MAST2: variants seen among roughly 807,000 people sequenced by gnomAD.
MAST2 encodes the protein microtubule-associated serine/threonine-protein kinase 2.
Under a neutral mutation model 147.4 loss-of-function variants are expected in MAST2, and 70 were observed. The ratio of observed to expected loss-of-function variants is 0.47; its 90% CI spans 0.39 to 0.58. The LOEUF is 0.58. Among genes scored for constraint, MAST2 ranks in the 20% least tolerant of loss-of-function variants. The pLI is 0.00. For missense variants in MAST2, 2,080 were observed against 2,302.3 expected, an observed-to-expected ratio of 0.90 and a Z score of 1.98; for synonymous variants, 869 against 896.8, an observed-to-expected ratio of 0.97 and a Z score of 0.55.
In MAST2 at chr1:45,824,443, C is replaced by T. The variant is rs1332856280; in HGVS notation, c.188C>T (p.Thr63Ile). The change falls in exon 2 of 29, where the codon ACT (threonine) becomes ATT (isoleucine). Residue 63 changes from threonine (T) to isoleucine (I), a missense_variant. Thr to Ile is a moderately conservative substitution (Grantham distance 89, BLOSUM62 -1). Around this residue, in one of 4 missense-constraint regions of MAST2, gnomAD observed 569 missense variants for 642.5 expected, o/e 0.89. Transcript: ENST00000361297. ...TTTTTCTCTTTGAAGGATGTAGTAA[C>T]TGGAGTTAGTCCCCTGCTCTTCAGG... Reference protein sequence around the residue: ...GPEGKEQDVVTGVSPLLFRKL... With the variant: ...GPEGKEQDVVIGVSPLLFRKL... 2.5e-6 allele frequency: 4 copies of T among 1,602,006 alleles called. No individual in the cohort carries two copies. Among genetic ancestry groups the T allele is most frequent in the Non-Finnish European group, 8.5e-7 (1 of 1,172,742 alleles).
Position 46,035,232 on chromosome 1 carries a change from G to A in MAST2, c.4563G>A (p.Leu1521=), listed in dbSNP as rs768487347. 5.0e-6 allele frequency: 8 copies of A among 1,614,058 alleles called. No individual in the cohort carries two copies. The highest frequency in any genetic ancestry group is 6.8e-6 in the Non-Finnish European group (8 of 1,180,022). The part of the protein sequence containing the change: ...GPENSQGAQE[L]SLAPHPEVSQ... ...AGAACAGCCAGGGTGCACAGGAGCT[G>A]AGCTTGGCACCTCACCCAGAAGTGA... Residue 1521 remains leucine (L), a synonymous_variant, in exon 29 of 29, where the codon CTG becomes CTA. Coordinates refer to ENST00000361297, the MANE Select transcript of MAST2 (RefSeq NM_015112.3). The surrounding 1 kb of genome is among the most constrained non-coding windows in gnomAD (Gnocchi z 5.5).
chr1:45,983,141 G>A (rs555420303), intron 5 of MAST2, among the ~76,000 whole-genome samples: 2 of 152,142 alleles, frequency 1.3e-5, no homozygotes, highest in African/African-American at 2.4e-5. Flanking sequence ...CTCCAACGTT[G>A]GCCATATTTG....
At chr1:45,897,289 T>C (rs1468825465) in intron 4 of MAST2, among the ~76,000 whole-genome samples, 1 of 152,210 alleles carries the variant, frequency 6.6e-6, no homozygotes, top group African/African-American at 2.4e-5. Context: ...TCAGGCAATA[T>C]AGTTGCATTC....
Position 45,803,964 on chromosome 1 carries a change from G to C in MAST2, c.69G>C (p.Gln23His). The change falls in exon 1 of 29, where the codon CAG becomes CAC. Residue 23 changes from glutamine to histidine, a missense_variant. Transcript: ENST00000361297. ...PPPDRREDGV[Q>H]RAAELSQSLP... is the part of the protein sequence containing the mutation. ...CCGACCGCCGGGAGGATGGAGTTCAGCGGGCAGCGGAGCTGTCTCAGTCTT... is the reference window on the plus strand; with the variant it reads ...CCGACCGCCGGGAGGATGGAGTTCACCGGGCAGCGGAGCTGTCTCAGTCTT... 1.9e-6 allele frequency: 2 copies of C among 1,035,398 alleles called. No individual in the cohort carries two copies. Among genetic ancestry groups the C allele is most frequent in the Non-Finnish European group, 2.6e-6 (2 of 774,860 alleles). The allele number at this position is 1,035,398 out of a possible 1,614,324, so 64.1% of individuals were successfully genotyped here.
intron 5 of MAST2, among the ~76,000 whole-genome samples, chr1:45,983,252 A>G (rs1644483616): frequency 6.6e-6 from 1 of 152,206 alleles, no homozygotes; most frequent in African/African-American, 2.4e-5. Context: ...TACCTTATTT[A>G]TATAAGAGCA....
At chr1:45,810,591 C>T (rs933910637) in intron 1 of MAST2, among the ~76,000 whole-genome samples, 1 of 151,704 alleles carries the variant, frequency 6.6e-6, no homozygotes, top group African/African-American at 2.4e-5. Context: ...GTGGGTGGAT[C>T]ACCTAAGGTT....
chr1:46,016,401 C>G (rs953833597), intron 10 of MAST2, among the ~76,000 whole-genome samples: 8 of 151,764 alleles, frequency 5.3e-5, no homozygotes, highest in African/African-American at 1.5e-4. Context: ...GTCCCTGTTT[C>G]CAGATGACAT....
intron 4 of MAST2, among the ~76,000 whole-genome samples, chr1:45,916,616 G>T (rs1048977209): frequency 1.3e-5 from 2 of 151,986 alleles, no homozygotes; most frequent in African/African-American, 4.8e-5. Context: ...TAAACAAATT[G>T]GTATTATTGT....
rs1055531547 is a variant in MAST2, at chr1:46,034,767, G to C, written c.4098G>C (p.Leu1366=). 6.2e-7 allele frequency: 1 copy of C among 1,613,718 alleles called. No homozygotes were observed. The highest frequency in any genetic ancestry group is 1.3e-5 in the African/African-American group (1 of 74,940). Residue 1366 remains leucine, a synonymous_variant, in exon 29 of 29, where the codon CTG becomes CTC. Coordinates refer to ENST00000361297, the MANE Select transcript of MAST2 (RefSeq NM_015112.3). ...CACCTCAGCGGTCCCCATCGCCCCTGTCTGGCCATGTAGCCCAGGCCTTTC... is the reference window on the plus strand; with the variant it reads ...CACCTCAGCGGTCCCCATCGCCCCTCTCTGGCCATGTAGCCCAGGCCTTTC... ...TASPQRSPSP[L]SGHVAQAFPT... is the part of the protein sequence containing the mutation.
chr1:45,931,377 G>GTTTTTTTTTTT lies in MAST2; in HGVS notation c.501-27997_501-27987dup, dbSNP rs71587091. Among the ~76,000 whole-genome samples the GTTTTTTTTTTT allele has an allele frequency of 5.5e-4, 56 of 101,190 alleles. 1 individual carries two copies. Among genetic ancestry groups the GTTTTTTTTTTT allele is most frequent in the East Asian group, 2.2e-3 (7 of 3,122 alleles). The allele number at this position is 101,190 out of a possible 152,430, so 66.4% of individuals were successfully genotyped here. ...TCACAAAAAGGTGGTATTGTGTTCT[G>GTTTTTTTTTTT]TTTTTTTTTTTTTTTTTTTTTTGAG... On this transcript the variant is annotated intron_variant, in intron 4 of 28. Transcript: ENST00000361297.
At chr1:45,890,139 C>A (rs1453990118) in intron 4 of MAST2, among the ~76,000 whole-genome samples, 2 of 152,168 alleles carry the variant, frequency 1.3e-5, no homozygotes, top group Admixed American at 1.3e-4. Flanking sequence ...TTCCTGACCT[C>A]ACCCAAACCT....
intron 3 of MAST2, among the ~76,000 whole-genome samples, chr1:45,880,581 C>T (rs1363102504): frequency 6.6e-6 from 1 of 151,996 alleles, no homozygotes; most frequent in Non-Finnish European, 1.5e-5. Context: ...TGTAAATTTA[C>T]CTAGAAAAAC....
At chr1:45,815,409 A>T (rs1644422324) in intron 1 of MAST2, among the ~76,000 whole-genome samples, 1 of 152,060 alleles carries the variant, frequency 6.6e-6, no homozygotes, top group African/African-American at 2.4e-5. Context: ...ACCTCAGGTG[A>T]TCCACCCTCC....
intron 4 of MAST2, among the ~76,000 whole-genome samples, chr1:45,888,613 C>G (rs567168735): frequency 6.7e-6 from 1 of 149,174 alleles, no homozygotes; most frequent in East Asian, 2.0e-4. Flanking sequence ...CCACCCACCT[C>G]GGCCTCCCAA....
At chr1:45,862,048 T>C (rs1645998149) in intron 3 of MAST2, among the ~76,000 whole-genome samples, 3 of 152,250 alleles carry the variant, frequency 2.0e-5, no homozygotes, top group Non-Finnish European at 4.4e-5. Flanking sequence ...TACAGTTTAA[T>C]CAGTTACTAC....
At chr1:45,839,187 G>T (rs1570316230) in intron 3 of MAST2, among the ~76,000 whole-genome samples, 2 of 145,974 alleles carry the variant, frequency 1.4e-5, no homozygotes, top group South Asian at 4.4e-4. Flanking sequence ...AGAGTGCAAT[G>T]GCATGGTCTC....
chr1:45,879,391 G>A (rs1646743039), intron 3 of MAST2, among the ~76,000 whole-genome samples: 1 of 151,884 alleles, frequency 6.6e-6, no homozygotes, highest in Admixed American at 6.6e-5. Flanking sequence ...TGACCAATAT[G>A]GTGAAAACCC....
chr1:45,806,250 A>G (rs1035804339), intron 1 of MAST2, among the ~76,000 whole-genome samples: 1 of 152,232 alleles, frequency 6.6e-6, no homozygotes, highest in African/African-American at 2.4e-5. Context: ...AATACTTCAT[A>G]TAAATGGAAT....
chr1:45,809,175 G>T (rs1325645576), intron 1 of MAST2, among the ~76,000 whole-genome samples: 2 of 152,280 alleles, frequency 1.3e-5, no homozygotes, highest in East Asian at 3.9e-4. Context: ...AATCATCATG[G>T]TATCTTCAGC....
Sources: allele counts gnomAD v4.1 joint callset (sites outside exome capture counted in the v4.1 genomes callset), GRCh38; gene constraint gnomAD v4.1.1; regional missense constraint gnomAD v4.1.1; non-coding constraint Gnocchi (gnomAD v3.1); transcripts MANE v1.5; gene names NCBI Gene and HGNC (gene_info 2026-07-23, HGNC 2026-07-21).